The following CCNE2 variants were observed in gnomAD, a reference collection of about 807,000 sequenced individuals.
The protein encoded by CCNE2 is cyclin E2.
A neutral mutation model predicts 56.8 loss-of-function variants in CCNE2; 18 were observed. The observed-to-expected ratio is 0.32, with a 90% CI of 0.22 to 0.47. CCNE2 has a LOEUF of 0.47. Among genes scored for constraint, CCNE2 ranks in the 20% least tolerant of loss-of-function variants. The probability of loss-of-function intolerance (pLI) is 1.00; values close to 1 mark genes in which losing one functional copy is unlikely to be tolerated. For synonymous variants in CCNE2, 139 were observed against 149.2 expected (o/e 0.93, Z 0.50); for missense variants, 371 against 467.1 (o/e 0.79, Z 1.90).
chr8:94,881,205 G>A lies in CCNE2; in HGVS notation c.*427C>T, dbSNP rs1241018214. 1.1e-5 allele frequency: 4 copies of A among 373,252 alleles called. No individual in the cohort carries two copies. The highest frequency in any genetic ancestry group is 1.9e-5 in the Non-Finnish European group (4 of 210,928). The allele number at this position is 373,252 out of a possible 1,614,324, so 23.1% of individuals were successfully genotyped here. On this transcript the variant is annotated 3_prime_UTR_variant, in exon 12 of 12. Transcript: ENST00000308108. ...CCAAATTGCACTAGTCAAGAGTGTAGGAATTTTGAGAATCTAACAACTAGA... is the reference window on the plus strand; with the variant it reads ...CCAAATTGCACTAGTCAAGAGTGTAAGAATTTTGAGAATCTAACAACTAGA...
chr8:94,889,762 A>G (rs1817162752), intron 6 of CCNE2, among the ~76,000 whole-genome samples: 1 of 152,218 alleles, frequency 6.6e-6, no homozygotes, highest in South Asian at 2.1e-4. Flanking sequence ...AACATAAGTA[A>G]TGATTTCCTT....
Position 94,885,297 on chromosome 8 carries a change from A to G in CCNE2, c.697-96T>C, listed in dbSNP as rs1002745881. 7 of 1,228,324 alleles carry G rather than the reference A, an allele frequency of 5.7e-6. No individual in the cohort carries two copies. In the East Asian group the frequency reaches 7.0e-5, roughly 12 times the overall value. The allele number at this position is 1,228,324 out of a possible 1,614,324, so 76.1% of individuals were successfully genotyped here. A position where few individuals can be genotyped will look rare whatever the true frequency, so the allele number is the denominator to read the frequency against. The stretch of plus-strand genomic sequence containing the variant: ...AGAGGTTAAGTACATTCCCCATCCA[A>G]CCATAACCATTGTCAATATTTTGAT... On this transcript the variant is annotated intron_variant, in intron 8 of 11. Coordinates refer to ENST00000308108, the MANE Select transcript of CCNE2 (RefSeq NM_057749.3).
At chr8:94,882,649 A>G (rs974507014) in intron 10 of CCNE2, 132 bp downstream of exon 10, 6 of 652,632 alleles carry the variant, frequency 9.2e-6, no homozygotes, top group African/African-American at 1.8e-5. Flanking sequence ...TAACAGAAAG[A>G]TAATTACTGA....
At chr8:94,884,389 C>T (rs917096072) in intron 9 of CCNE2, among the ~76,000 whole-genome samples, 1 of 149,850 alleles carries the variant, frequency 6.7e-6, no homozygotes, top group Admixed American at 6.7e-5. Flanking sequence ...CTCTGTTGCT[C>T]AGGCTGGAGT....
At position 94,881,749 on chromosome 8, in the gene CCNE2, T is replaced by C. The variant is rs748326004; in HGVS notation, c.1102-4A>G. On this transcript the variant is annotated splice_polypyrimidine_tract_variant and splice_region_variant and intron_variant, in intron 11 of 11. Coordinates refer to ENST00000308108, the MANE Select transcript of CCNE2 (RefSeq NM_057749.3). Reference sequence around the variant, plus strand: ...TGTTTATGTAATTTACTTCCTCCTATACATGGGAAGAAATCATGCACTGAT... The same window carrying C: ...TGTTTATGTAATTTACTTCCTCCTACACATGGGAAGAAATCATGCACTGAT... 1.2e-6 allele frequency: 2 copies of C among 1,613,630 alleles called. No homozygotes were observed. Among genetic ancestry groups the C allele is most frequent in the Non-Finnish European group, 1.7e-6 (2 of 1,179,766 alleles).
rs546361427 is a variant in CCNE2 at position 94,885,122 on chromosome 8, G to C, written c.776C>G (p.Ala259Gly). The change falls in exon 9 of 12, where the codon GCT becomes GGT. Residue 259 changes from alanine (A) to glycine (G), a missense_variant. Physicochemically the swap from Ala to Gly is moderately conservative, Grantham distance 60. Transcript: ENST00000308108. ...LFLQVDALKD[A>G]PKVLLPQYSQ... Reference sequence around the variant, plus strand: ...ATACTGAGGTAGAAGAACTTTAGGAGCATCTTTAAGAGCATCAACTTGGAG... The same window carrying C: ...ATACTGAGGTAGAAGAACTTTAGGACCATCTTTAAGAGCATCAACTTGGAG... 1.2e-6 allele frequency: 2 copies of C among 1,612,780 alleles called. No homozygotes were observed. Among genetic ancestry groups the C allele is most frequent in the East Asian group, 2.2e-5 (1 of 44,768 alleles).
intron 11 of CCNE2, 153 bp from the exon 12 acceptor site, chr8:94,881,898 T>C: frequency 1.0e-6 from 1 of 962,572 alleles, no homozygotes; most frequent in Non-Finnish European, 1.5e-6. Context: ...TCTGTAACGT[T>C]ATATATTTTT....
At chr8:94,896,500 A>G (rs2131143583), upstream of CCNE2, 1 of 152,344 alleles carries the variant, frequency 6.6e-6, no homozygotes, top group South Asian at 2.1e-4. Flanking sequence ...TATTCCGCAA[A>G]CAGGTTTTGC....
intron 5 of CCNE2, 88 bp from the exon 6 acceptor site, chr8:94,890,638 G>GCCGGACTGCGGA: frequency 3.6e-5 from 12 of 336,514 alleles, no homozygotes; most frequent in Non-Finnish European, 4.9e-5. Flanking sequence ...TGTGGCCCAG[G>GCCGGACTGCGGA]CTAGAGTGCA....
chr8:94,885,673 G>T, intron 7 of CCNE2, 115 bp from the exon 8 acceptor site: 1 of 446,694 alleles, frequency 2.2e-6, no homozygotes, highest in South Asian at 4.7e-5. Context: ...TAAGTAGAAA[G>T]TGCATTTTCA....
At chr8:94,896,641 C>G (rs912366226), upstream of CCNE2, 4 of 151,996 alleles carry the variant, frequency 2.6e-5, no homozygotes, top group African/African-American at 7.2e-5. Context: ...GCGAGCCGGA[C>G]GGCGAGCGGG....
At chr8:94,895,301 C>T, upstream of CCNE2, 1 of 968,750 alleles carries the variant, frequency 1.0e-6, no homozygotes, top group Non-Finnish European at 1.2e-6. Context: ...TCCCCTCTCC[C>T]GCCCGTCCGC....
At chr8:94,884,941 AGTTTT>A (rs1169379434) in intron 9 of CCNE2, 121 bp downstream of exon 9, 5 of 784,410 alleles carry the variant, frequency 6.4e-6, no homozygotes, top group Non-Finnish European at 7.9e-6. Flanking sequence ...ATGCGTCAAA[AGTTTT>A]GTTCTAGAAT....
At chr8:94,890,671 T>C (rs534047485) in intron 5 of CCNE2, 121 bp from the exon 6 acceptor site, 3,996 of 234,620 alleles carry the variant, frequency 0.017, 74 homozygotes, top group African/African-American at 0.024. Flanking sequence ...TGGCTCACTG[T>C]AATCTCCACC....
intron 9 of CCNE2, 91 bp from the exon 10 acceptor site, chr8:94,882,983 A>T: frequency 1.2e-6 from 1 of 869,548 alleles, no homozygotes; most frequent in South Asian, 1.5e-5. Context: ...GAGATAAATA[A>T]GCCACCACCC....
Position 94,882,069 on chromosome 8 carries a change from C to T in CCNE2, c.1101+63G>A, listed in dbSNP as rs1257050231. 2.0e-6 allele frequency: 3 copies of T among 1,474,140 alleles called. No individual in the cohort carries two copies. The South Asian group carries it at 3.9e-5, about 19-fold the overall frequency. The allele number at this position is 1,474,140 out of a possible 1,614,324, so 91.3% of individuals were successfully genotyped here. On this transcript the variant is annotated intron_variant, in intron 11 of 11. Transcript: ENST00000308108. Reference sequence around the variant, plus strand: ...GCCTGAAGGAGTACTCTATTCCTACCATCAGTTTTGGTGACTTACTAGATT... The same window carrying T: ...GCCTGAAGGAGTACTCTATTCCTACTATCAGTTTTGGTGACTTACTAGATT...
chr8:94,892,899 A>G lies in CCNE2; in HGVS notation c.236T>C (p.Ile79Thr). Reference protein sequence around the residue: ...CIIIETPHKEIGTSDFSRFTN... With the variant: ...CIIIETPHKETGTSDFSRFTN... ...AAATCTGGAGAAATCACTTGTTCCT[A>G]TTTCTTTGTGAGGTGTTTCAATGAT... Residue 79 changes from isoleucine (I) to threonine (T), a missense_variant, in exon 5 of 12, where the codon ATA (isoleucine) becomes ACA (threonine). Physicochemically the swap from Ile to Thr is moderately conservative, Grantham distance 89. Coordinates refer to ENST00000308108, the MANE Select transcript of CCNE2 (RefSeq NM_057749.3). 3 of 1,537,586 alleles carry G rather than the reference A, an allele frequency of 2.0e-6. No individual in the cohort carries two copies. The highest frequency in any genetic ancestry group is 2.6e-6 in the Non-Finnish European group (3 of 1,144,638).
chr8:94,880,961 C>T lies in CCNE2; in HGVS notation c.*671G>A. On this transcript the variant is annotated 3_prime_UTR_variant, in exon 12 of 12. Transcript: ENST00000308108. ...TTGTTTATAATTTCTTTGGTACTCCCACTGTTTAGAGCACAGGTTGAACAC... is the reference window on the plus strand; with the variant it reads ...TTGTTTATAATTTCTTTGGTACTCCTACTGTTTAGAGCACAGGTTGAACAC... 2.5e-6 allele frequency: 1 copy of T among 398,742 alleles called. No individual in the cohort carries two copies. The highest frequency in any genetic ancestry group is 4.4e-6 in the Non-Finnish European group (1 of 225,918). The allele number at this position is 398,742 out of a possible 1,614,324, so 24.7% of individuals were successfully genotyped here. A position where few individuals can be genotyped will look rare whatever the true frequency, so the allele number is the denominator to read the frequency against.
At chr8:94,893,067 C>T in intron 4 of CCNE2, 98 bp from the exon 5 acceptor site, 1 of 980,574 alleles carries the variant, frequency 1.0e-6, no homozygotes, top group South Asian at 1.8e-5. Flanking sequence ...TCTAAAGAAT[C>T]ATAATTTTAG....
Sources: allele counts gnomAD v4.1 joint callset (sites outside exome capture counted in the v4.1 genomes callset), GRCh38; gene constraint gnomAD v4.1.1; transcripts MANE v1.5; gene names NCBI Gene and HGNC (gene_info 2026-07-23, HGNC 2026-07-21).